The following MGA variants were observed in gnomAD, a reference collection of about 807,000 sequenced individuals.
MGA encodes MAX gene-associated protein.
Under a neutral mutation model 261.1 loss-of-function variants are expected in MGA, and 40 were observed. That is an observed-to-expected ratio of 0.15 (90% CI 0.12 to 0.20). The LOEUF is 0.20. Among genes scored for constraint, MGA ranks in the 10% least tolerant of loss-of-function variants. The pLI is 1.00. For synonymous variants in MGA, 1,302 were observed against 1,290.6 expected (o/e 1.01, Z -0.19); for missense variants, 3,397 against 3,630.5 (o/e 0.94, Z 1.65).
At chr15:41,663,447 A>G (rs181028569) in intron 1 of MGA, among the ~76,000 whole-genome samples, 1 of 151,822 alleles carries the variant, frequency 6.6e-6, no homozygotes, top group African/African-American at 2.4e-5. Flanking sequence ...TTATTTCTTC[A>G]TGAGTAGCCT....
At chr15:41,664,158 A>G (rs1017685988) in intron 1 of MGA, among the ~76,000 whole-genome samples, 9 of 152,202 alleles carry the variant, frequency 5.9e-5, no homozygotes, top group Admixed American at 5.9e-4. Context: ...TACAAATCAT[A>G]AGTCAGAAGT....
intron 15 of MGA, among the ~76,000 whole-genome samples, chr15:41,745,891 C>G (rs28584982): frequency 0.033 from 4,958 of 152,284 alleles, 131 homozygotes; most frequent in South Asian, 0.07. Context: ...CAGGCATGAG[C>G]CACTGCATCC....
At chr15:41,661,874 C>A (rs1217614523) in intron 1 of MGA, among the ~76,000 whole-genome samples, 1 of 152,130 alleles carries the variant, frequency 6.6e-6, no homozygotes, top group African/African-American at 2.4e-5. Flanking sequence ...GGTAACAGAA[C>A]GCGGCTGGGT....
chr15:41,637,006 C>T (rs1287172279), intron 1 of MGA, among the ~76,000 whole-genome samples: 1 of 151,150 alleles, frequency 6.6e-6, no homozygotes, highest in Non-Finnish European at 1.5e-5. Flanking sequence ...GATAGAAAGG[C>T]AAGAGAATGA....
intron 17 of MGA, among the ~76,000 whole-genome samples, chr15:41,752,574 T>C (rs917066281): frequency 7.5e-6 from 1 of 133,584 alleles, no homozygotes; most frequent in Admixed American, 7.6e-5. Flanking sequence ...TTTTTTTTTT[T>C]AACAGAGTCT....
intron 5 of MGA, among the ~76,000 whole-genome samples, chr15:41,705,675 T>G (rs1174384679): frequency 1.3e-5 from 2 of 152,338 alleles, no homozygotes; most frequent in South Asian, 2.1e-4. Context: ...AAAATGTCTT[T>G]TATCTCTCTG....
intron 2 of MGA, among the ~76,000 whole-genome samples, chr15:41,687,049 T>A (rs1347313301): frequency 6.6e-6 from 1 of 152,162 alleles, no homozygotes; most frequent in East Asian, 1.9e-4. Flanking sequence ...TTTCATTATG[T>A]ATTTGATAGA....
Position 41,766,947 on chromosome 15 carries a change from T to C in MGA, c.8865T>C (p.Pro2955=), listed in dbSNP as rs1485872032. ...GAGGGAAGAATACTTCTGGCCTCCCTGCAGAGCCCGAAAGTGTGTCCTCAC... is the reference window on the plus strand; with the variant it reads ...GAGGGAAGAATACTTCTGGCCTCCCCGCAGAGCCCGAAAGTGTGTCCTCAC... Residue 2955 remains proline, a synonymous_variant, in exon 24 of 24, where the codon CCT becomes CCC. Transcript: ENST00000219905. 3 of 1,614,028 alleles carry C rather than the reference T, an allele frequency of 1.9e-6. No homozygotes were observed. The highest frequency in any genetic ancestry group is 2.5e-6 in the Non-Finnish European group (3 of 1,179,884).
Position 41,754,418 on chromosome 15 carries a change from T to G in MGA, c.7009-19T>G. ...TTGCCACTCAATACATTATTTACTT[T>G]TATAATGATGTATTTCAGAATAACT... On this transcript the variant is annotated intron_variant, in intron 17 of 23. Coordinates refer to ENST00000219905, the MANE Select transcript of MGA (RefSeq NM_001164273.2). 6.6e-7 allele frequency: 1 copy of G among 1,521,218 alleles called. No individual in the cohort carries two copies. The highest frequency in any genetic ancestry group is 8.8e-7 in the Non-Finnish European group (1 of 1,134,242). The allele number at this position is 1,521,218 out of a possible 1,614,324, so 94.2% of individuals were successfully genotyped here.
At chr15:41,728,712 T>C (rs1221333581) in intron 10 of MGA, among the ~76,000 whole-genome samples, 1 of 152,166 alleles carries the variant, frequency 6.6e-6, no homozygotes, top group African/African-American at 2.4e-5. Context: ...CATATGTGAG[T>C]GGACCCACAC....
At chr15:41,670,159 T>C (rs2057962884) in intron 2 of MGA, among the ~76,000 whole-genome samples, 1 of 152,182 alleles carries the variant, frequency 6.6e-6, no homozygotes. Context: ...GGATCTAGAA[T>C]TGTAGGCAAA....
upstream of MGA, among the ~76,000 whole-genome samples, chr15:41,656,785 G>C (rs1013885156): frequency 6.6e-6 from 1 of 151,892 alleles, no homozygotes; most frequent in Non-Finnish European, 1.5e-5. Context: ...CTTTCTTTAA[G>C]AGACAGGGTT....
rs189270210 is a variant in MGA, at chr15:41,768,869, A to C, written c.*1589A>C. The C allele has an allele frequency of 8.7e-6, 1 of 114,352 alleles. No individual in the cohort carries two copies. Among genetic ancestry groups the C allele is most frequent in the East Asian group, 2.6e-4 (1 of 3,794 alleles). 7.1% of individuals were successfully genotyped at this position (114,352 alleles called of 1,614,324 possible). A position where few individuals can be genotyped will look rare whatever the true frequency, so the allele number is the denominator to read the frequency against. On this transcript the variant is annotated 3_prime_UTR_variant, in exon 24 of 24. Transcript: ENST00000219905. ...CTTTCTGTTAACTCTGGTAATCAAC[A>C]GATTGAAAACGGTGGAAGAACTTCT...
At chr15:41,715,032 T>C (rs1310685025) in intron 9 of MGA, among the ~76,000 whole-genome samples, 1 of 152,082 alleles carries the variant, frequency 6.6e-6, no homozygotes, top group African/African-American at 2.4e-5. Flanking sequence ...TTTTGTAATT[T>C]ACATTTTCGT....
intron 2 of MGA, among the ~76,000 whole-genome samples, chr15:41,691,938 T>C (rs1458287501): frequency 6.6e-6 from 1 of 152,156 alleles, no homozygotes; most frequent in African/African-American, 2.4e-5. Flanking sequence ...CATTGTTGCT[T>C]ACTGAGCTTC....
intron 1 of MGA, among the ~76,000 whole-genome samples, chr15:41,665,556 TGGA>T (rs2057684271): frequency 6.6e-6 from 1 of 152,200 alleles, no homozygotes; most frequent in African/African-American, 2.4e-5. Context: ...ATTGTAGAGA[TGGA>T]GTCTCACTGT....
At chr15:41,629,257 C>A (rs1409033130) in intron 1 of MGA, among the ~76,000 whole-genome samples, 1 of 151,976 alleles carries the variant, frequency 6.6e-6, no homozygotes, top group Non-Finnish European at 1.5e-5. Flanking sequence ...GATAGATTAG[C>A]TGTGGGAGGT....
At chr15:41,694,137 G>T (rs1057467126) in intron 2 of MGA, among the ~76,000 whole-genome samples, 3 of 152,076 alleles carry the variant, frequency 2.0e-5, no homozygotes, top group African/African-American at 7.2e-5. Context: ...AAGTGACTGG[G>T]CCGGGCGTGG....
At chr15:41,699,249 T>C in intron 5 of MGA, 90 bp downstream of exon 5, 1 of 804,692 alleles carries the variant, frequency 1.2e-6, no homozygotes, top group Non-Finnish European at 1.9e-6. Flanking sequence ...TTCTCATCTC[T>C]TTTTTTCTGT....
Sources: allele counts gnomAD v4.1 joint callset (sites outside exome capture counted in the v4.1 genomes callset), GRCh38; gene constraint gnomAD v4.1.1; transcripts MANE v1.5; gene names NCBI Gene and HGNC (gene_info 2026-07-23, HGNC 2026-07-21).